CSMD1: variants seen among roughly 807,000 people sequenced by gnomAD.
CSMD1 encodes the protein CUB and Sushi multiple domains 1, also known as CUB and sushi domain-containing protein 1.
Under a neutral mutation model 417.5 loss-of-function variants are expected in CSMD1, and 213 were observed. That is an observed-to-expected ratio of 0.51 (90% CI 0.46 to 0.57). The LOEUF is 0.57. Among genes scored for constraint, CSMD1 ranks in the 20% least tolerant of loss-of-function variants. The probability of loss-of-function intolerance (pLI) is 0.00; values close to 1 mark genes in which losing one functional copy is unlikely to be tolerated. For synonymous variants in CSMD1, 2,862 were observed against 1,736.8 expected, an observed-to-expected ratio of 1.65 and a Z score of -16.11; for missense variants, 6,923 against 4,529.7, an observed-to-expected ratio of 1.53 and a Z score of -15.17.
At chr8:3,459,009 TTCCTACCC>T (rs1816326509) in intron 12 of CSMD1, among the ~76,000 whole-genome samples, 1 of 152,162 alleles carries the variant, frequency 6.6e-6, no homozygotes, top group Non-Finnish European at 1.5e-5. Flanking sequence ...GAAGGGTTGT[TTCCTACCC>T]GCAAGGGTAG....
At chr8:3,890,266 A>T (rs1806871718) in intron 5 of CSMD1, among the ~76,000 whole-genome samples, 1 of 152,202 alleles carries the variant, frequency 6.6e-6, no homozygotes, top group Non-Finnish European at 1.5e-5. Context: ...AAGAAACATC[A>T]GATATTTTGC....
rs201987474 is a variant in CSMD1 at position 3,194,408 on chromosome 8, C to CTATTTTATTTTATTTTATTTTATTT, written c.5195-4318_5195-4294dup. 7.1e-3 allele frequency among the ~76,000 whole-genome samples: 957 copies of CTATTTTATTTTATTTTATTTTATTT among 134,888 alleles called. 16 individuals carry two copies. Among genetic ancestry groups the CTATTTTATTTTATTTTATTTTATTT allele is most frequent in the Admixed American group, 0.028 (360 of 12,888 alleles). 88.5% of individuals were successfully genotyped at this position (134,888 alleles called of 152,430 possible). On this transcript the variant is annotated intron_variant, in intron 33 of 69. Coordinates refer to ENST00000635120, the MANE Select transcript of CSMD1 (RefSeq NM_033225.6). ...TATTTTCAGGAGACCATCTGATTAA[C>CTATTTTATTTTATTTTATTTTATTT]TATTTTATTTTATTTTATTTTATTT...
At chr8:3,910,509 C>A (rs765441966) in intron 5 of CSMD1, among the ~76,000 whole-genome samples, 3 of 152,128 alleles carry the variant, frequency 2.0e-5, no homozygotes, top group East Asian at 1.9e-4. Context: ...AAACATTATA[C>A]AAATTTTACA....
At chr8:4,481,933 G>T (rs1194714655) in intron 2 of CSMD1, among the ~76,000 whole-genome samples, 1 of 152,126 alleles carries the variant, frequency 6.6e-6, no homozygotes, top group Non-Finnish European at 1.5e-5. Context: ...ACAACAGAAT[G>T]CAGAAGCCTG....
chr8:4,659,611 T>C (rs906483283), intron 1 of CSMD1, among the ~76,000 whole-genome samples: 2 of 152,054 alleles, frequency 1.3e-5, no homozygotes, highest in Non-Finnish European at 2.9e-5. Flanking sequence ...AGAAAACAGA[T>C]TGGTGATTGC....
chr8:4,527,798 A>G (rs1043283323), intron 2 of CSMD1, among the ~76,000 whole-genome samples: 3 of 152,204 alleles, frequency 2.0e-5, no homozygotes, highest in Non-Finnish European at 2.9e-5. Flanking sequence ...TGAATCCTGG[A>G]AAGTCTAATG....
chr8:4,307,993 C>T (rs1408677081), intron 3 of CSMD1, among the ~76,000 whole-genome samples: 1 of 152,026 alleles, frequency 6.6e-6, no homozygotes, highest in African/African-American at 2.4e-5. Flanking sequence ...CTCAAGGAGG[C>T]TGGGATGTAA....
intron 25 of CSMD1, among the ~76,000 whole-genome samples, chr8:3,288,383 C>A (rs988540060): frequency 6.8e-6 from 1 of 147,182 alleles, no homozygotes; most frequent in East Asian, 2.0e-4. Context: ...GGTACCAGCT[C>A]CTCCTTGTAC....
At chr8:4,388,141 T>C (rs1044727582) in intron 3 of CSMD1, among the ~76,000 whole-genome samples, 1 of 152,122 alleles carries the variant, frequency 6.6e-6, no homozygotes, top group African/African-American at 2.4e-5. Context: ...ATTTAAAAAC[T>C]TACTTCTACC....
chr8:4,428,801 C>A (rs1402999927), intron 2 of CSMD1, among the ~76,000 whole-genome samples: 1 of 152,066 alleles, frequency 6.6e-6, no homozygotes, highest in African/African-American at 2.4e-5. Context: ...CTCACTGCAA[C>A]CTCCACCTCC....
chr8:4,905,904 T>C (rs1457695636), intron 1 of CSMD1, among the ~76,000 whole-genome samples: 2 of 151,760 alleles, frequency 1.3e-5, no homozygotes, highest in Admixed American at 6.6e-5. Flanking sequence ...TAATTGCCTT[T>C]CTCAGAGCCA....
intron 3 of CSMD1, among the ~76,000 whole-genome samples, chr8:4,278,635 G>T (rs547155882): frequency 6.6e-6 from 1 of 152,060 alleles, no homozygotes; most frequent in Admixed American, 6.6e-5. Flanking sequence ...TTTTAGCTAC[G>T]AATTCAACAT....
intron 3 of CSMD1, among the ~76,000 whole-genome samples, chr8:4,264,481 G>A (rs9693235): frequency 0.088 from 13,344 of 152,086 alleles, 802 homozygotes; most frequent in African/African-American, 0.16. Flanking sequence ...TTCTCTCATC[G>A]TTCTAGTTTA....
chr8:4,308,619 G>A (rs1018767699), intron 3 of CSMD1, among the ~76,000 whole-genome samples: 1 of 152,152 alleles, frequency 6.6e-6, no homozygotes, highest in Non-Finnish European at 1.5e-5. Context: ...TGTTAAGCCT[G>A]CTTTGGAAAA....
chr8:3,412,817 C>G (rs1326033434), intron 12 of CSMD1, among the ~76,000 whole-genome samples: 1 of 152,200 alleles, frequency 6.6e-6, no homozygotes, highest in East Asian at 1.9e-4. Flanking sequence ...AAATTTAATG[C>G]TTGGGATGCC....
chr8:3,712,711 T>G (rs945268392), intron 6 of CSMD1, among the ~76,000 whole-genome samples: 7 of 152,202 alleles, frequency 4.6e-5, no homozygotes, highest in African/African-American at 1.7e-4. Context: ...AGTTTCTGTT[T>G]TGTTTTATTG....
At position 3,406,043 on chromosome 8, in the gene CSMD1, G is replaced by A. The variant is rs747251319; in HGVS notation, c.2250C>T (p.Thr750=). Residue 750 remains threonine (T), a synonymous_variant, in exon 15 of 70, where the codon ACC becomes ACT. Transcript: ENST00000635120. The part of the protein sequence containing the change: ...LQDGNVVWSS[T]VPRCEAPCGG... ...GGACTGCACCTTCACAGCGGGGCAC[G>A]GTGGAGCTCCAGACCACGTTCCCGT... 5 of 1,613,828 alleles carry A rather than the reference G, an allele frequency of 3.1e-6. No individual in the cohort carries two copies. Among genetic ancestry groups the A allele is most frequent in the Admixed American group, 3.3e-5 (2 of 60,010 alleles).
intron 1 of CSMD1, among the ~76,000 whole-genome samples, chr8:4,797,598 G>C (rs1217382323): frequency 2.0e-5 from 3 of 152,102 alleles, no homozygotes; most frequent in Non-Finnish European, 2.9e-5. Context: ...CCAGGGTATG[G>C]GGGGAGAGAG....
At chr8:3,426,804 T>A (rs915959627) in intron 12 of CSMD1, among the ~76,000 whole-genome samples, 3 of 152,218 alleles carry the variant, frequency 2.0e-5, no homozygotes, top group Non-Finnish European at 4.4e-5. Context: ...GTTAGTTTCC[T>A]CATGTTCCAA....
Sources: gnomAD v4.1 joint callset for allele counts (sites outside exome capture counted in the v4.1 genomes callset) on GRCh38, gnomAD v4.1.1 for gene constraint, MANE v1.5 for transcripts, NCBI Gene and HGNC (gene_info 2026-07-23, HGNC 2026-07-21) for gene names.